The following KLF13 variants were observed in gnomAD, a reference collection of about 807,000 sequenced individuals.
The protein encoded by KLF13 is Krueppel-like factor 13.
Under a neutral mutation model 16.7 loss-of-function variants are expected in KLF13, and 8 were observed. The observed-to-expected ratio is 0.48, with a 90% CI of 0.28 to 0.87. KLF13 has a LOEUF of 0.87. Ranked by LOEUF, KLF13 falls within the 40% of genes least tolerant of loss-of-function variation. The probability of loss-of-function intolerance (pLI) is 0.10; values close to 1 mark genes in which losing one functional copy is unlikely to be tolerated. For synonymous variants in KLF13, 245 were observed against 208.4 expected, an observed-to-expected ratio of 1.18 and a Z score of -1.51; for missense variants, 447 against 452.2, an observed-to-expected ratio of 0.99 and a Z score of 0.10.
chr15:31,404,406 A>T (rs2040084949), exon 3 of KLF13: 1 of 152,178 alleles, frequency 6.6e-6, no homozygotes. Context: ...AAAATGCACA[A>T]ATCAGCACTC....
chr15:31,350,334 G>T (rs114774489), intron 1 of KLF13, among the ~76,000 whole-genome samples: 1 of 152,236 alleles, frequency 6.6e-6, no homozygotes, highest in African/African-American at 2.4e-5. Context: ...TTGGTCCGTT[G>T]TTCGGAACCT....
At chr15:31,381,097 G>C (rs560626518), downstream of KLF13, among the ~76,000 whole-genome samples, 2 of 150,536 alleles carry the variant, frequency 1.3e-5, no homozygotes, top group African/African-American at 4.9e-5. Flanking sequence ...GCTTGAACCC[G>C]GGAGCTGGAA....
chr15:31,435,652 G>A (rs771983731), exon 2 of KLF13: 1 of 152,192 alleles, frequency 6.6e-6, no homozygotes, highest in Non-Finnish European at 1.5e-5. Flanking sequence ...CAGAATAAAA[G>A]AGAGTTGCTC....
At chr15:31,412,630 A>C (rs2040208598) in intron 1 of KLF13, among the ~76,000 whole-genome samples, 1 of 152,214 alleles carries the variant, frequency 6.6e-6, no homozygotes, top group East Asian at 1.9e-4. Flanking sequence ...AGGAGGAGGA[A>C]CTTCTACATG....
chr15:31,396,984 A>G (rs1291442115), intron 2 of KLF13, among the ~76,000 whole-genome samples: 1 of 152,096 alleles, frequency 6.6e-6, no homozygotes, highest in African/African-American at 2.4e-5. Flanking sequence ...TAGTTAAGTC[A>G]GATCTCGTTC....
chr15:31,331,350 C>T (rs2038828456), intron 1 of KLF13, among the ~76,000 whole-genome samples: 1 of 152,182 alleles, frequency 6.6e-6, no homozygotes, highest in South Asian at 2.1e-4. Context: ...ATTCTGTCAG[C>T]CATTTCCTGT....
At chr15:31,341,989 C>T (rs71474656) in intron 1 of KLF13, among the ~76,000 whole-genome samples, 4,212 of 152,240 alleles carry the variant, frequency 0.028, 76 homozygotes, top group Middle Eastern at 0.062. Flanking sequence ...GAGTGGTGAC[C>T]CTGTCTCAGG....
intron 1 of KLF13, among the ~76,000 whole-genome samples, chr15:31,357,106 G>A (rs1399123580): frequency 6.6e-6 from 1 of 152,100 alleles, no homozygotes; most frequent in Non-Finnish European, 1.5e-5. Context: ...CCCTGCTATT[G>A]GGATTTTTAT....
At chr15:31,417,333 A>G (rs2040266756) in intron 1 of KLF13, among the ~76,000 whole-genome samples, 3 of 151,914 alleles carry the variant, frequency 2.0e-5, no homozygotes, top group Middle Eastern at 6.8e-3. Context: ...CATCTCTACT[A>G]AAAATACAAA....
intron 2 of KLF13, among the ~76,000 whole-genome samples, chr15:31,394,539 TG>T (rs1039931709): frequency 1.3e-5 from 2 of 151,606 alleles, no homozygotes; most frequent in African/African-American, 4.8e-5. Flanking sequence ...TTAAAGAGTG[TG>T]GGTGTGTATT....
chr15:31,337,501 G>A (rs757547704), intron 1 of KLF13, among the ~76,000 whole-genome samples: 39 of 152,144 alleles, frequency 2.6e-4, no homozygotes, highest in Non-Finnish European at 4.6e-4. Flanking sequence ...GCTTAATGAC[G>A]GGTGCGTTCT....
chr15:31,404,824 G>C (rs2040094977), downstream of KLF13: 1 of 152,474 alleles, frequency 6.6e-6, no homozygotes, highest in African/African-American at 2.4e-5. Context: ...GAACCCACTG[G>C]AAAGAACCAA....
chr15:31,413,015 C>T (rs2040212618), intron 1 of KLF13, among the ~76,000 whole-genome samples: 1 of 152,160 alleles, frequency 6.6e-6, no homozygotes, highest in South Asian at 2.1e-4. Flanking sequence ...ACAATTTGAT[C>T]GGATGTCTTT....
At chr15:31,354,524 G>A (rs1329718389) in intron 1 of KLF13, among the ~76,000 whole-genome samples, 2 of 152,144 alleles carry the variant, frequency 1.3e-5, no homozygotes, top group Admixed American at 1.3e-4. Context: ...GGGATTACAG[G>A]CACCCACCAC....
At chr15:31,329,473 A>G (rs1478443049) in intron 1 of KLF13, among the ~76,000 whole-genome samples, 13 of 151,016 alleles carry the variant, frequency 8.6e-5, no homozygotes. Context: ...GGTAGCGGGG[A>G]ATTGAGGAGG....
chr15:31,383,833 C>T (rs1203363444), intron 1 of KLF13, among the ~76,000 whole-genome samples: 2 of 151,998 alleles, frequency 1.3e-5, no homozygotes, highest in African/African-American at 4.8e-5. Context: ...ACCTGGGAGG[C>T]AGAGCTTGCA....
chr15:31,405,399 G>A (rs1049508584), downstream of KLF13, among the ~76,000 whole-genome samples: 6 of 152,208 alleles, frequency 3.9e-5, no homozygotes, highest in Admixed American at 6.5e-5. Context: ...AGAAGACTGC[G>A]GTCTACGAAC....
intron 1 of KLF13, chr15:31,366,199 C>T (rs565916916): frequency 1.3e-5 from 2 of 152,204 alleles, no homozygotes; most frequent in South Asian, 2.1e-4. Context: ...CTGCTTGGCA[C>T]CTGTAGGACC....
At chr15:31,432,564 T>A (rs922227364) in intron 1 of KLF13, among the ~76,000 whole-genome samples, 38 of 151,780 alleles carry the variant, frequency 2.5e-4, no homozygotes, top group African/African-American at 8.5e-4. Context: ...TCCCCCTGCC[T>A]CAGCTTCCTG....
Sources: gnomAD v4.1 joint callset for allele counts (sites outside exome capture counted in the v4.1 genomes callset) on GRCh38, gnomAD v4.1.1 for gene constraint, MANE v1.5 for transcripts, NCBI Gene and HGNC (gene_info 2026-07-23, HGNC 2026-07-21) for gene names.